The following IQCM variants were observed in gnomAD, a reference collection of about 807,000 sequenced individuals.
IQCM encodes IQ motif containing M.
IQCM carries 45 observed loss-of-function variants against 57.6 expected under a neutral mutation model. The ratio of observed to expected loss-of-function variants is 0.78; its 90% CI spans 0.62 to 1.00. IQCM has a LOEUF of 1.00. Ranked by LOEUF, IQCM falls within the 50% of genes least tolerant of loss-of-function variation. The pLI is 0.00. For missense variants in IQCM, 468 were observed against 511.6 expected (o/e 0.91, Z 0.82); for synonymous variants, 148 against 158.9 (o/e 0.93, Z 0.51).
At chr4:149,731,230 C>A (rs1392392691) in intron 5 of IQCM, among the ~76,000 whole-genome samples, 1 of 152,114 alleles carries the variant, frequency 6.6e-6, no homozygotes, top group Non-Finnish European at 1.5e-5. Flanking sequence ...GAGGGCTTCA[C>A]CCTCATAAAG....
intron 12 of IQCM, among the ~76,000 whole-genome samples, chr4:149,485,057 T>C: frequency 6.6e-6 from 1 of 152,128 alleles, no homozygotes. Flanking sequence ...CTGTAAGTTT[T>C]CCAGTGAAAA....
intron 12 of IQCM, among the ~76,000 whole-genome samples, chr4:149,532,747 G>C (rs535080020): frequency 6.6e-6 from 1 of 152,190 alleles, no homozygotes; most frequent in South Asian, 2.1e-4. Context: ...CTACAAACAA[G>C]GTTCTATTTT....
chr4:149,383,072 C>T (rs914438862), intron 13 of IQCM, among the ~76,000 whole-genome samples: 15 of 151,532 alleles, frequency 9.9e-5, no homozygotes, highest in Non-Finnish European at 2.1e-4. Context: ...TGAGACAACA[C>T]CAGGATCAAA....
intron 7 of IQCM, among the ~76,000 whole-genome samples, chr4:149,655,350 C>A (rs1035861928): frequency 1.3e-5 from 2 of 152,130 alleles, no homozygotes; most frequent in African/African-American, 4.8e-5. Flanking sequence ...TCTTTTCTTA[C>A]ATCCCACAAG....
chr4:149,615,821 C>G (rs1157424145), intron 8 of IQCM, among the ~76,000 whole-genome samples: 1 of 152,144 alleles, frequency 6.6e-6, no homozygotes, highest in Non-Finnish European at 1.5e-5. Context: ...GCCCTTGTTT[C>G]CACTCCTCTT....
chr4:149,511,432 G>T (rs1235394502), intron 12 of IQCM, among the ~76,000 whole-genome samples: 1 of 151,882 alleles, frequency 6.6e-6, no homozygotes, highest in Admixed American at 6.6e-5. Flanking sequence ...GGAGGCTGAT[G>T]CAGGAAAATC....
In IQCM at chr4:149,600,793, G is replaced by A. The variant is rs189062615; in HGVS notation, c.682-12796C>T. On this transcript the variant is annotated intron_variant, in intron 8 of 13. Coordinates refer to ENST00000636793, the MANE Select transcript of IQCM (RefSeq NM_001363507.2). ...TCTGATTCCTAGAGACTCAGGATAT[G>A]CTTACATAAATATATCAGTTTGTTG... 9.1e-4 allele frequency among the ~76,000 whole-genome samples: 138 copies of A among 152,246 alleles called. 1 individual carries two copies. The highest frequency in any genetic ancestry group is 3.9e-3 in the Admixed American group (60 of 15,292).
chr4:149,561,612 A>G (rs778144199), intron 10 of IQCM, among the ~76,000 whole-genome samples: 1 of 152,200 alleles, frequency 6.6e-6, no homozygotes, highest in Non-Finnish European at 1.5e-5. Context: ...ACCTGTCTTC[A>G]TGGAGTTTGC....
intron 12 of IQCM, among the ~76,000 whole-genome samples, chr4:149,449,454 CTAA>C (rs997762609): frequency 6.8e-6 from 1 of 146,986 alleles, no homozygotes; most frequent in African/African-American, 2.5e-5. Flanking sequence ...TGACATCCTA[CTAA>C]TATTTTATTA....
chr4:149,490,393 C>T (rs1741969018), intron 12 of IQCM, among the ~76,000 whole-genome samples: 1 of 151,908 alleles, frequency 6.6e-6, no homozygotes, highest in Non-Finnish European at 1.5e-5. Flanking sequence ...AAGGTAAAGT[C>T]TTGTATCTCA....
At chr4:149,356,319 C>G (rs1314239505) in intron 13 of IQCM, among the ~76,000 whole-genome samples, 8 of 152,142 alleles carry the variant, frequency 5.3e-5, no homozygotes, top group Non-Finnish European at 1.0e-4. Context: ...AGTCCCTGCC[C>G]ATGCCTATGT....
At chr4:149,672,922 A>T (rs1761429294) in intron 7 of IQCM, among the ~76,000 whole-genome samples, 2 of 152,168 alleles carry the variant, frequency 1.3e-5, no homozygotes, top group Admixed American at 1.3e-4. Flanking sequence ...GACTAACAGC[A>T]GATCTTTCGG....
At chr4:149,492,190 C>T (rs939953464) in intron 12 of IQCM, among the ~76,000 whole-genome samples, 3 of 151,970 alleles carry the variant, frequency 2.0e-5, no homozygotes, top group African/African-American at 7.3e-5. Context: ...GTATTTTCTC[C>T]CATTCCATAG....
rs116058003 is a variant in IQCM at position 149,782,637 on chromosome 4, G to A, written c.-49+32674C>T. Among the ~76,000 whole-genome samples, 677 of 140,782 alleles carry A rather than the reference G, an allele frequency of 4.8e-3. 6 individuals are homozygous for A. The highest frequency in any genetic ancestry group is 0.017 in the African/African-American group (643 of 38,338). 92.4% of individuals were successfully genotyped at this position (140,782 alleles called of 152,430 possible). On this transcript the variant is annotated intron_variant, in intron 2 of 13. Coordinates refer to ENST00000636793, the MANE Select transcript of IQCM (RefSeq NM_001363507.2). ...AAAAAAGTGGGGGTGGGTGTGGGGG[G>A]AAATACAATAAGATTCAAAAGAAAA...
In IQCM at chr4:149,478,043, G is replaced by A. The variant is rs141764079; in HGVS notation, c.1229-44486C>T. Among the ~76,000 whole-genome samples, 46 of 152,176 alleles carry A rather than the reference G, an allele frequency of 3.0e-4. No homozygotes were observed. The East Asian group carries it at 8.1e-3, about 27-fold the overall frequency. Reference sequence around the variant, plus strand: ...AGATAATAATAGTACTTATCTCATGGGGTTGTTTTGTGGAATTAGACAAGT... The same window carrying A: ...AGATAATAATAGTACTTATCTCATGAGGTTGTTTTGTGGAATTAGACAAGT... On this transcript the variant is annotated intron_variant, in intron 12 of 13. Transcript: ENST00000636793.
intron 2 of IQCM, among the ~76,000 whole-genome samples, chr4:149,779,576 C>T (rs915818021): frequency 1.3e-5 from 2 of 152,002 alleles, no homozygotes; most frequent in East Asian, 3.9e-4. Flanking sequence ...CAACCTAAAC[C>T]TTATACAAAA....
intron 3 of IQCM, among the ~76,000 whole-genome samples, chr4:149,738,864 A>G (rs1767185201): frequency 6.6e-6 from 1 of 152,216 alleles, no homozygotes; most frequent in Admixed American, 6.5e-5. Context: ...AGCACAAGAT[A>G]ACTCATACCT....
intron 12 of IQCM, among the ~76,000 whole-genome samples, chr4:149,473,427 A>G (rs750989797): frequency 1.6e-4 from 25 of 152,360 alleles, no homozygotes; most frequent in Non-Finnish European, 2.5e-4. Context: ...ACAATGAGAT[A>G]CCATCTCACA....
chr4:149,643,992 A>G (rs1758427133), intron 7 of IQCM, among the ~76,000 whole-genome samples: 1 of 152,174 alleles, frequency 6.6e-6, no homozygotes, highest in African/African-American at 2.4e-5. Flanking sequence ...AAATGGATAC[A>G]TGGTGACCAA....
Sources: allele counts gnomAD v4.1 joint callset (sites outside exome capture counted in the v4.1 genomes callset), GRCh38; gene constraint gnomAD v4.1.1; transcripts MANE v1.5; gene names NCBI Gene and HGNC (gene_info 2026-07-23, HGNC 2026-07-21).